Variants in SDAD1 observed in about 807,000 individuals in gnomAD.
SDAD1 encodes the protein SDA1 domain containing 1.
SDAD1 carries 79 observed loss-of-function variants against 100.3 expected under a neutral mutation model. The observed-to-expected ratio is 0.79, with a 90% CI of 0.66 to 0.95. SDAD1 has a LOEUF of 0.95. Ranked by LOEUF, SDAD1 falls within the 40% of genes least tolerant of loss-of-function variation. The pLI is 0.00. For missense variants in SDAD1, 790 were observed against 810.9 expected (o/e 0.97, Z 0.31); for synonymous variants, 267 against 271.4 (o/e 0.98, Z 0.16).
intron 17 of SDAD1, among the ~76,000 whole-genome samples, chr4:75,959,696 C>T (rs1201959966): frequency 4.6e-5 from 7 of 152,068 alleles, no homozygotes; most frequent in Non-Finnish European, 2.9e-5. Context: ...GAGTATTTGC[C>T]CACAAATTCA....
chr4:75,979,813 T>C (rs1730392437), intron 3 of SDAD1, among the ~76,000 whole-genome samples: 1 of 152,078 alleles, frequency 6.6e-6, no homozygotes, highest in African/African-American at 2.4e-5. Context: ...TAAAGAAATA[T>C]ACATACACAT....
rs114940693 is a variant in SDAD1, at chr4:75,989,861, G to A, written c.90+891C>T. Among the ~76,000 whole-genome samples, 352 of 152,266 alleles carry A rather than the reference G, an allele frequency of 2.3e-3. 2 individuals carry two copies. Among genetic ancestry groups the A allele is most frequent in the African/African-American group, 7.5e-3 (312 of 41,540 alleles). On this transcript the variant is annotated intron_variant, in intron 1 of 21. Transcript: ENST00000356260. ...AAAAGCACTCATAAAATACATATATGTGAAAATTTAGGGGAGGAGGGAAGT... is the reference window on the plus strand; with the variant it reads ...AAAAGCACTCATAAAATACATATATATGAAAATTTAGGGGAGGAGGGAAGT...
At chr4:75,974,037 C>A (rs761494788) in intron 7 of SDAD1, 39 bp downstream of exon 7, 1 of 1,570,296 alleles carries the variant, frequency 6.4e-7, no homozygotes, top group Non-Finnish European at 8.8e-7. Flanking sequence ...AGCAGACCAT[C>A]CACAGACAGA....
rs1728992616 is a variant in SDAD1, at chr4:75,957,859, T to C, written c.1566A>G (p.Glu522=). The C allele has an allele frequency of 1.2e-6, 2 of 1,613,968 alleles. No individual in the cohort carries two copies. The highest frequency in any genetic ancestry group is 2.2e-5 in the South Asian group (2 of 91,084). Residue 522 remains glutamate, a synonymous_variant, in exon 18 of 22, where the codon GAA becomes GAG. Transcript: ENST00000356260. The stretch of plus-strand genomic sequence containing the variant: ...TTTTCAGACTTACGATTTCTTGCTG[T>C]TCTTCATCGGAAGAGTGTTGCACAT... The part of the protein sequence containing the change: ...WIDVQHSSDE[E]QQEISKKLNS...
chr4:75,987,949 T>G (rs1443164422), intron 1 of SDAD1, among the ~76,000 whole-genome samples: 1 of 152,226 alleles, frequency 6.6e-6, no homozygotes. Context: ...GAAACTTCAC[T>G]GGCTGCTTTC....
rs773726500 is a variant in SDAD1, at chr4:75,977,666, G to A, written c.385C>T (p.His129Tyr). 4 of 1,608,660 alleles carry A rather than the reference G, an allele frequency of 2.5e-6. No homozygotes were observed. The highest frequency in any genetic ancestry group is 3.4e-6 in the Non-Finnish European group (4 of 1,176,076). Residue 129 changes from histidine (H) to tyrosine (Y), a missense_variant, in exon 4 of 22, where the codon CAT (histidine) becomes TAT (tyrosine). Transcript: ENST00000356260. ...TTTACCTTTCGCAGAAGTTTATCAT[G>A]GCAACGAAAAAGTTCAAAGAAGAGT... ...LELFFELFRC[H>Y]DKLLRKTLYT...
chr4:75,961,293 C>A lies in SDAD1; in HGVS notation c.1197G>T (p.Lys399Asn), dbSNP rs1310815828. The part of the protein sequence containing the change: ...EVMTVGINAI[K>N]EITARCPLAM... ...CCAGAGGACATCGAGCTGTTATCTC[C>A]TTTATAGCATTGATTCTAGAAAAAG... The change falls in exon 15 of 22, where the codon AAG becomes AAT. Residue 399 changes from lysine to asparagine, a missense_variant. Transcript: ENST00000356260. The A allele has an allele frequency of 1.2e-6, 2 of 1,612,434 alleles. No individual in the cohort carries two copies. The highest frequency in any genetic ancestry group is 1.6e-4 in the Middle Eastern group (1 of 6,070).
At position 75,990,287 on chromosome 4, in the gene SDAD1, C is replaced by G. The variant is rs1013738333; in HGVS notation, c.90+465G>C. Among the ~76,000 whole-genome samples, 23 of 111,888 alleles carry G rather than the reference C, an allele frequency of 2.1e-4. No homozygotes were observed. The South Asian group carries it at 4.6e-3, about 22-fold the overall frequency. The allele number at this position is 111,888 out of a possible 152,430, so 73.4% of individuals were successfully genotyped here. A position where few individuals can be genotyped will look rare whatever the true frequency, so the allele number is the denominator to read the frequency against. On this transcript the variant is annotated intron_variant, in intron 1 of 21. Transcript: ENST00000356260. The stretch of plus-strand genomic sequence containing the variant: ...TGTGCTTGAGAAACCCCCCCCCCCC[C>G]TTTCCTGGCACAGTCCAGGGTACAC...
Position 75,961,773 on chromosome 4 carries a change from GAA to G in SDAD1, c.1182-467_1182-466del, listed in dbSNP as rs140905008. Reference sequence around the variant, plus strand: ...CAAAAGGGCTACTAAATTGCCCTAGGAAAAAAGAGTGCTTCAATAATAAATCA... The same window carrying G: ...CAAAAGGGCTACTAAATTGCCCTAGGAAAAGAGTGCTTCAATAATAAATCA... On this transcript the variant is annotated intron_variant, in intron 14 of 21. Transcript: ENST00000356260. Among the ~76,000 whole-genome samples, 99 of 152,192 alleles carry G rather than the reference GAA, an allele frequency of 6.5e-4. No individual in the cohort carries two copies. The East Asian group carries it at 0.016, about 25-fold the overall frequency.
intron 13 of SDAD1, among the ~76,000 whole-genome samples, chr4:75,965,190 G>T (rs1266588973): frequency 6.6e-6 from 1 of 152,110 alleles, no homozygotes; most frequent in Non-Finnish European, 1.5e-5. Flanking sequence ...CCGCTCTAGG[G>T]ACATCTGTCT....
intron 13 of SDAD1, 91 bp downstream of exon 13, chr4:75,965,673 G>A (rs763442787): frequency 1.0e-4 from 99 of 975,820 alleles, no homozygotes; most frequent in African/African-American, 1.5e-4. Flanking sequence ...TTGAATTATC[G>A]GGGGCAGGTT....
intron 1 of SDAD1, among the ~76,000 whole-genome samples, chr4:75,987,562 C>A (rs1042615136): frequency 4.7e-4 from 72 of 152,096 alleles, no homozygotes; most frequent in Admixed American, 2.9e-3. Flanking sequence ...GGTGCAGTGG[C>A]GCGATCTCGG....
At chr4:75,985,133 CTATT>C (rs1730813783) in intron 1 of SDAD1, among the ~76,000 whole-genome samples, 1 of 152,064 alleles carries the variant, frequency 6.6e-6, no homozygotes, top group Non-Finnish European at 1.5e-5. Context: ...CCAGCTAACA[CTATT>C]TACCCGCCTT....
At chr4:75,958,413 T>C (rs894413370) in intron 17 of SDAD1, among the ~76,000 whole-genome samples, 2 of 152,206 alleles carry the variant, frequency 1.3e-5, no homozygotes, top group Non-Finnish European at 2.9e-5. Context: ...ATCTAGTTAG[T>C]CATTCAGACA....
In SDAD1 at chr4:75,977,603, C is replaced by T. The variant is rs192294855; in HGVS notation, c.405+43G>A. The T allele has an allele frequency of 5.0e-5, 60 of 1,206,858 alleles. No individual in the cohort carries two copies. In the African/African-American group the frequency reaches 6.8e-4, roughly 14 times the overall value. 74.8% of individuals were successfully genotyped at this position (1,206,858 alleles called of 1,614,324 possible). ...TTCAAGAGACAACAAAATTTTATGT[C>T]GCCTCAAGGAAGATGCAGGGAAATA... On this transcript the variant is annotated intron_variant, in intron 4 of 21. Coordinates refer to ENST00000356260, the MANE Select transcript of SDAD1 (RefSeq NM_018115.4).
Position 75,972,894 on chromosome 4 carries a change from G to A in SDAD1, c.711+423C>T, listed in dbSNP as rs193098252. Reference sequence around the variant, plus strand: ...AAATTAGCCAGGCGTGGTGGCGGGTGCCTGTAGTCCCAGCTACTCGGGAGG... The same window carrying A: ...AAATTAGCCAGGCGTGGTGGCGGGTACCTGTAGTCCCAGCTACTCGGGAGG... On this transcript the variant is annotated intron_variant, in intron 8 of 21. Coordinates refer to ENST00000356260, the MANE Select transcript of SDAD1 (RefSeq NM_018115.4). Among the ~76,000 whole-genome samples the A allele has an allele frequency of 0.012, 1,825 of 151,932 alleles. 118 individuals are homozygous for A. In the South Asian group the frequency reaches 0.2, roughly 17 times the overall value.
chr4:75,951,852 A>G (rs2149304665), intron 21 of SDAD1, among the ~76,000 whole-genome samples: 1 of 152,354 alleles, frequency 6.6e-6, no homozygotes, highest in African/African-American at 2.4e-5. Context: ...ATTCCCAAGT[A>G]CTATTCTTTG....
In SDAD1 at chr4:75,950,559, T is replaced by G. The variant is rs1266019421; in HGVS notation, c.*191A>C. On this transcript the variant is annotated 3_prime_UTR_variant, in exon 22 of 22. Transcript: ENST00000356260. Reference sequence around the variant, plus strand: ...TGAAATGATTTTACATTACCACCACTATTTACATTAACATTCCTACCATTA... The same window carrying G: ...TGAAATGATTTTACATTACCACCACGATTTACATTAACATTCCTACCATTA... 1.0e-5 allele frequency: 5 copies of G among 478,138 alleles called. No individual in the cohort carries two copies. The highest frequency in any genetic ancestry group is 1.9e-5 in the African/African-American group (1 of 52,142). The allele number at this position is 478,138 out of a possible 1,614,324, so 29.6% of individuals were successfully genotyped here. A position where few individuals can be genotyped will look rare whatever the true frequency, so the allele number is the denominator to read the frequency against.
intron 4 of SDAD1, among the ~76,000 whole-genome samples, chr4:75,977,304 T>C (rs1380689966): frequency 6.6e-6 from 1 of 152,182 alleles, no homozygotes. Context: ...TGGGCTTATA[T>C]CCAATCCCAC....
Sources: gnomAD v4.1 joint callset for allele counts (sites outside exome capture counted in the v4.1 genomes callset) on GRCh38, gnomAD v4.1.1 for gene constraint, MANE v1.5 for transcripts, NCBI Gene and HGNC (gene_info 2026-07-23, HGNC 2026-07-21) for gene names.